The following ISOC1 variants were observed in gnomAD, a reference collection of about 807,000 sequenced individuals.
The protein encoded by ISOC1 is isochorismatase domain-containing protein 1.
Under a neutral mutation model 30.0 loss-of-function variants are expected in ISOC1, and 33 were observed. The ratio of observed to expected loss-of-function variants is 1.10; its 90% CI spans 0.83 to 1.47. ISOC1 has a LOEUF of 1.47. ISOC1 is among the 40% of genes most tolerant of loss of function. The pLI is 0.00. For synonymous variants in ISOC1, 178 were observed against 159.8 expected (o/e 1.11, Z -0.86); for missense variants, 372 against 388.0 (o/e 0.96, Z 0.35).
chr5:129,095,568 C>T (rs750854698), intron 1 of ISOC1, among the ~76,000 whole-genome samples: 1 of 152,224 alleles, frequency 6.6e-6, no homozygotes, highest in Admixed American at 6.5e-5. Context: ...CCCATTCCCC[C>T]CCGCCTTCCC....
chr5:129,112,529 C>T (rs556548496), intron 4 of ISOC1, among the ~76,000 whole-genome samples: 1 of 152,102 alleles, frequency 6.6e-6, no homozygotes, highest in Admixed American at 6.5e-5. Flanking sequence ...GTAGTAACAA[C>T]CATTCCTTTT....
chr5:129,109,292 C>G (rs943690894), intron 4 of ISOC1, among the ~76,000 whole-genome samples: 1 of 152,178 alleles, frequency 6.6e-6, no homozygotes, highest in Non-Finnish European at 1.5e-5. Context: ...TGTGTAATCT[C>G]TATGCCTCAG....
intron 4 of ISOC1, among the ~76,000 whole-genome samples, chr5:129,111,445 A>G (rs1454460848): frequency 6.6e-6 from 1 of 152,192 alleles, no homozygotes; most frequent in African/African-American, 2.4e-5. Context: ...GCCAGTGGAA[A>G]GGTTCAGTCT....
rs746526157 is a variant in ISOC1 at position 129,105,345 on chromosome 5, C to G, written c.590C>G (p.Ala197Gly). The G allele has an allele frequency of 5.6e-6, 9 of 1,613,678 alleles. No individual in the cohort carries two copies. The African/African-American group carries it at 1.1e-4, about 19-fold the overall frequency. Residue 197 changes from alanine to glycine, a missense_variant, in exon 3 of 5, where the codon GCA becomes GGA. Coordinates refer to ENST00000173527, the MANE Select transcript of ISOC1 (RefSeq NM_016048.2). ...MVLPEVEAAL[A>G]EIPGVRSVVL... ...TTACCAGAAGTAGAAGCGGCATTAG[C>G]AGAGATTCCCGGAGTCAGGAGTGTT... is the stretch of plus-strand genomic sequence containing the variant.
intron 3 of ISOC1, among the ~76,000 whole-genome samples, chr5:129,106,741 T>C (rs1225501127): frequency 6.6e-6 from 1 of 152,192 alleles, no homozygotes; most frequent in Non-Finnish European, 1.5e-5. Flanking sequence ...CTAATTCAGT[T>C]CCTGATTTTA....
At chr5:129,102,177 C>A (rs1213651597) in intron 1 of ISOC1, among the ~76,000 whole-genome samples, 1 of 152,150 alleles carries the variant, frequency 6.6e-6, no homozygotes, top group African/African-American at 2.4e-5. Flanking sequence ...GAGTTAAACA[C>A]CTTACATAGA....
In ISOC1 at chr5:129,106,397, A is replaced by G. The variant is rs182109443; in HGVS notation, c.634-549A>G. On this transcript the variant is annotated intron_variant, in intron 3 of 4. Transcript: ENST00000173527. Reference sequence around the variant, plus strand: ...TGAATTGACACAAGTTAGTACTTACAAAGATGGAATCTGTATAATACATTT... The same window carrying G: ...TGAATTGACACAAGTTAGTACTTACGAAGATGGAATCTGTATAATACATTT... 3.3e-4 allele frequency among the ~76,000 whole-genome samples: 50 copies of G among 152,324 alleles called. 2 individuals are homozygous for G. In the East Asian group the frequency reaches 9.1e-3, roughly 28 times the overall value.
intron 4 of ISOC1, among the ~76,000 whole-genome samples, chr5:129,109,537 T>C (rs957131784): frequency 6.6e-6 from 1 of 152,178 alleles, no homozygotes; most frequent in African/African-American, 2.4e-5. Flanking sequence ...TTGGAAGTTC[T>C]GAGAAGGGAG....
At chr5:129,101,862 T>G (rs974322293) in intron 1 of ISOC1, among the ~76,000 whole-genome samples, 1 of 152,220 alleles carries the variant, frequency 6.6e-6, no homozygotes, top group African/African-American at 2.4e-5. Context: ...TTAATGACCT[T>G]GACAGTTTTG....
chr5:129,103,093 G>T (rs1753591315), intron 1 of ISOC1, among the ~76,000 whole-genome samples: 1 of 152,162 alleles, frequency 6.6e-6, no homozygotes, highest in African/African-American at 2.4e-5. Context: ...TAGGCCTGCT[G>T]CAGGCAAACT....
At chr5:129,102,690 A>G (rs1468117506) in intron 1 of ISOC1, among the ~76,000 whole-genome samples, 1 of 152,152 alleles carries the variant, frequency 6.6e-6, no homozygotes, top group East Asian at 1.9e-4. Flanking sequence ...TTACTCTTCC[A>G]CTGGAGGTCT....
chr5:129,104,547 CTACTTT>C (rs1272315945), intron 1 of ISOC1, among the ~76,000 whole-genome samples: 1 of 152,054 alleles, frequency 6.6e-6, no homozygotes, highest in African/African-American at 2.4e-5. Flanking sequence ...TAATGTACTA[CTACTTT>C]TATTCATATT....
chr5:129,098,201 T>C (rs1349909495), intron 1 of ISOC1, among the ~76,000 whole-genome samples: 1 of 152,206 alleles, frequency 6.6e-6, no homozygotes, highest in Non-Finnish European at 1.5e-5. Flanking sequence ...ACTGCACCCG[T>C]GCTTGTTAGT....
At chr5:129,105,848 A>G (rs1473465472) in intron 3 of ISOC1, among the ~76,000 whole-genome samples, 1 of 152,214 alleles carries the variant, frequency 6.6e-6, no homozygotes, top group Non-Finnish European at 1.5e-5. Context: ...ATCTTTTTAC[A>G]GGGGAAAAAT....
chr5:129,113,149 C>A lies in ISOC1; in HGVS notation c.*148C>A. The A allele has an allele frequency of 1.7e-6, 1 of 605,484 alleles. No homozygotes were observed. 37.5% of individuals were successfully genotyped at this position (605,484 alleles called of 1,614,324 possible). On this transcript the variant is annotated 3_prime_UTR_variant, in exon 5 of 5. Transcript: ENST00000173527. The stretch of plus-strand genomic sequence containing the variant: ...TTTGCGCCTCCTAGTGAAACTTAAC[C>A]AGCTAGACCATTTGAGTACCAGCAT...
intron 4 of ISOC1, among the ~76,000 whole-genome samples, chr5:129,108,441 G>A (rs1016539393): frequency 6.6e-6 from 1 of 151,798 alleles, no homozygotes; most frequent in Non-Finnish European, 1.5e-5. Flanking sequence ...TAGGCTATTA[G>A]ATTATCTGGT....
chr5:129,107,985 C>T (rs1302652053), intron 4 of ISOC1, among the ~76,000 whole-genome samples: 6 of 152,160 alleles, frequency 3.9e-5, no homozygotes, highest in Non-Finnish European at 8.8e-5. Context: ...TCCATATTGT[C>T]GTTTGATCTC....
intron 4 of ISOC1, among the ~76,000 whole-genome samples, chr5:129,109,305 T>G (rs1224955761): frequency 2.6e-5 from 4 of 152,210 alleles, no homozygotes; most frequent in Non-Finnish European, 5.9e-5. Context: ...TGCCTCAGAT[T>G]TCTCATTGGT....
intron 1 of ISOC1, among the ~76,000 whole-genome samples, chr5:129,096,438 A>G (rs537340036): frequency 6.6e-6 from 1 of 152,274 alleles, no homozygotes; most frequent in South Asian, 2.1e-4. Context: ...CAAAGCAGGT[A>G]CTTTAGCTTC....
Sources: gnomAD v4.1 joint callset for allele counts (sites outside exome capture counted in the v4.1 genomes callset) on GRCh38, gnomAD v4.1.1 for gene constraint, MANE v1.5 for transcripts, NCBI Gene and HGNC (gene_info 2026-07-23, HGNC 2026-07-21) for gene names.